Variants in MRPS18A observed in about 807,000 individuals in gnomAD.
The protein encoded by MRPS18A is mitochondrial ribosomal protein S18A.
A neutral mutation model predicts 22.7 loss-of-function variants in MRPS18A; 20 were observed. The ratio of observed to expected loss-of-function variants is 0.88; its 90% CI spans 0.62 to 1.28. The LOEUF (loss-of-function observed/expected upper bound fraction) is 1.28, where lower values mean the gene tolerates loss of function less well. MRPS18A is among the 50% of genes most tolerant of loss of function. The probability of loss-of-function intolerance (pLI) is 0.00; values close to 1 mark genes in which losing one functional copy is unlikely to be tolerated. For synonymous variants in MRPS18A, 106 were observed against 99.1 expected (o/e 1.07, Z -0.41); for missense variants, 294 against 262.6 (o/e 1.12, Z -0.83).
Position 43,678,115 on chromosome 6 carries a change from T to A in MRPS18A, c.252+403A>T, listed in dbSNP as rs572819480. Among the ~76,000 whole-genome samples the A allele has an allele frequency of 2.0e-5, 3 of 152,102 alleles. No homozygotes were observed. The South Asian group carries it at 6.2e-4, about 32-fold the overall frequency. On this transcript the variant is annotated intron_variant, in intron 3 of 5. Transcript: ENST00000372133. ...AGGCACGACCAGACCACAAACTCAA[T>A]CAGTGGCTCTCAACCCTGGTTGCAC...
intron 1 of MRPS18A, among the ~76,000 whole-genome samples, chr6:43,681,586 C>G (rs1016556473): frequency 1.3e-5 from 2 of 152,192 alleles, no homozygotes; most frequent in African/African-American, 4.8e-5. Flanking sequence ...AGATATAGCA[C>G]TGAACTAACA....
At position 43,671,589 on chromosome 6, in the gene MRPS18A, G is replaced by T; in HGVS notation, c.*173C>A. On this transcript the variant is annotated 3_prime_UTR_variant, in exon 6 of 6. Coordinates refer to ENST00000372133, the MANE Select transcript of MRPS18A (RefSeq NM_018135.4). ...GCCTCTAGCTCCCAGCATTGCTACT[G>T]TGCAGGCCAAGGGTACTGAAGTTAG... The T allele has an allele frequency of 1.4e-6, 1 of 721,594 alleles. No individual in the cohort carries two copies. The highest frequency in any genetic ancestry group is 2.3e-6 in the Non-Finnish European group (1 of 438,420). 44.7% of individuals were successfully genotyped at this position (721,594 alleles called of 1,614,324 possible). A position where few individuals can be genotyped will look rare whatever the true frequency, so the allele number is the denominator to read the frequency against.
chr6:43,685,384 G>A (rs1259091417), intron 1 of MRPS18A, among the ~76,000 whole-genome samples: 1 of 152,150 alleles, frequency 6.6e-6, no homozygotes, highest in African/African-American at 2.4e-5. Context: ...AACAGCAGCA[G>A]GACTGCCATT....
chr6:43,681,235 C>T (rs1229120520), intron 1 of MRPS18A, 115 bp from the exon 2 acceptor site: 22 of 1,033,876 alleles, frequency 2.1e-5, no homozygotes, highest in Non-Finnish European at 3.2e-5. Flanking sequence ...TCTGTACTCT[C>T]TCATGGTCTC....
At chr6:43,682,657 G>A (rs917882298) in intron 1 of MRPS18A, among the ~76,000 whole-genome samples, 4 of 152,206 alleles carry the variant, frequency 2.6e-5, no homozygotes, top group South Asian at 2.1e-4. Context: ...CCCCACACAC[G>A]GATCTACTTG....
intron 1 of MRPS18A, among the ~76,000 whole-genome samples, chr6:43,682,531 A>T (rs752072086): frequency 6.6e-6 from 1 of 152,206 alleles, no homozygotes; most frequent in Non-Finnish European, 1.5e-5. Flanking sequence ...CCAACTCCAG[A>T]CATACAAAGG....
intron 5 of MRPS18A, among the ~76,000 whole-genome samples, chr6:43,674,070 G>A (rs1157903051): frequency 6.6e-6 from 1 of 152,206 alleles, no homozygotes; most frequent in Non-Finnish European, 1.5e-5. Context: ...AAGAGCTGCT[G>A]GCAGATGGCT....
In MRPS18A at chr6:43,671,878, C is replaced by T. The variant is rs765576548; in HGVS notation, c.475G>A (p.Val159Ile). ...RYLTRWAPGS[V>I]KPIYKKGPRW... ...GGGCCTTTTTTGTAGATGGGCTTGA[C>T]GGAGCCAGGAGCCCAGCGCGTCAGG... The change falls in exon 6 of 6, where the codon GTC (valine) becomes ATC (isoleucine). Residue 159 changes from valine (V) to isoleucine (I), a missense_variant. By Grantham distance (29) the Val-to-Ile change is conservative. Transcript: ENST00000372133. The T allele has an allele frequency of 5.6e-5, 91 of 1,612,864 alleles. No individual in the cohort carries two copies. Among genetic ancestry groups the T allele is most frequent in the Middle Eastern group, 1.6e-4 (1 of 6,080 alleles).
chr6:43,677,295 A>AC (rs1014467678), intron 3 of MRPS18A, among the ~76,000 whole-genome samples: 20 of 151,284 alleles, frequency 1.3e-4, no homozygotes, highest in Admixed American at 2.6e-4. Context: ...GACAGAAAGA[A>AC]CCCCCCCAAC....
chr6:43,680,547 T>C (rs192963829), intron 2 of MRPS18A, among the ~76,000 whole-genome samples: 10 of 152,284 alleles, frequency 6.6e-5, no homozygotes, highest in South Asian at 2.1e-4. Flanking sequence ...GGAGGTGGGA[T>C]GGGCCCAGGG....
At chr6:43,672,381 C>A (rs754771287) in intron 5 of MRPS18A, 1 of 471,644 alleles carries the variant, frequency 2.1e-6, no homozygotes, top group African/African-American at 2.0e-5. Context: ...CTGCCCCTCA[C>A]CCAACCTGTG....
intron 5 of MRPS18A, among the ~76,000 whole-genome samples, chr6:43,674,779 C>T (rs1290979379): frequency 2.0e-5 from 3 of 152,150 alleles, no homozygotes; most frequent in East Asian, 1.9e-4. Context: ...TGGATGTTGC[C>T]CTGAAGTTGT....
rs150333200 is a variant in MRPS18A, at chr6:43,671,787, C to G, written c.566G>C (p.Arg189Thr). 6.2e-6 allele frequency: 10 copies of G among 1,614,090 alleles called. No homozygotes were observed. The highest frequency in any genetic ancestry group is 8.5e-6 in the Non-Finnish European group (10 of 1,180,038). ...PLLRDNVCYSRTPWKLYH is the reference protein window; with the variant it reads ...PLLRDNVCYSTTPWKLYH The stretch of plus-strand genomic sequence containing the variant: ...TCAGTGATACAGCTTCCAAGGTGTT[C>G]TTGAGTAGCAGACATTGTCCCTCAG... Residue 189 changes from arginine (R) to threonine (T), a missense_variant, in exon 6 of 6, where the codon AGA (arginine) becomes ACA (threonine). Transcript: ENST00000372133.
chr6:43,675,441 G>C, intron 4 of MRPS18A, 53 bp downstream of exon 4: 1 of 1,613,596 alleles, frequency 6.2e-7, no homozygotes, highest in Non-Finnish European at 8.5e-7. Context: ...GCAGCTGGGT[G>C]GGGAGAGAGT....
intron 5 of MRPS18A, chr6:43,672,260 G>A (rs1029875801): frequency 1.1e-5 from 5 of 435,746 alleles, no homozygotes; most frequent in Admixed American, 8.8e-5. Flanking sequence ...CATGGGGCGA[G>A]AAGAGCTGAT....
intron 1 of MRPS18A, 54 bp downstream of exon 1, chr6:43,687,614 G>A (rs1774788308): frequency 7.1e-7 from 1 of 1,412,386 alleles, no homozygotes; most frequent in Non-Finnish European, 9.7e-7. Flanking sequence ...GCTGGCGGAA[G>A]CAGTCTCTGC....
chr6:43,671,616 C>T lies in MRPS18A; in HGVS notation c.*146G>A, dbSNP rs1014181093. 6.5e-6 allele frequency: 6 copies of T among 919,758 alleles called. No individual in the cohort carries two copies. Among genetic ancestry groups the T allele is most frequent in the African/African-American group, 1.6e-5 (1 of 60,928 alleles). The allele number at this position is 919,758 out of a possible 1,614,324, so 57.0% of individuals were successfully genotyped here. On this transcript the variant is annotated 3_prime_UTR_variant, in exon 6 of 6. Coordinates refer to ENST00000372133, the MANE Select transcript of MRPS18A (RefSeq NM_018135.4). ...GCAGGCCAAGGGTACTGAAGTTAGTCCCACTGTCCCCTGTCCATGCATGTT... is the reference window on the plus strand; with the variant it reads ...GCAGGCCAAGGGTACTGAAGTTAGTTCCACTGTCCCCTGTCCATGCATGTT...
chr6:43,686,817 C>T (rs563810206), intron 1 of MRPS18A, among the ~76,000 whole-genome samples: 1 of 152,210 alleles, frequency 6.6e-6, no homozygotes, highest in Non-Finnish European at 1.5e-5. Flanking sequence ...CCTAAAAGAC[C>T]GTTTCACTCT....
intron 5 of MRPS18A, among the ~76,000 whole-genome samples, chr6:43,674,246 A>C (rs1773923752): frequency 6.6e-6 from 1 of 152,132 alleles, no homozygotes; most frequent in Non-Finnish European, 1.5e-5. Flanking sequence ...TCCATGCCTG[A>C]GTTCTGGTGG....
Sources: allele counts gnomAD v4.1 joint callset (sites outside exome capture counted in the v4.1 genomes callset), GRCh38; gene constraint gnomAD v4.1.1; transcripts MANE v1.5; gene names NCBI Gene and HGNC (gene_info 2026-07-23, HGNC 2026-07-21).